Variants in GRIN3A observed in about 807,000 individuals in gnomAD.
GRIN3A encodes glutamate receptor ionotropic, NMDA 3A.
GRIN3A carries 47 observed loss-of-function variants against 92.4 expected under a neutral mutation model. The ratio of observed to expected loss-of-function variants is 0.51; its 90% CI spans 0.40 to 0.65. GRIN3A has a LOEUF of 0.65. GRIN3A is among the 30% of genes least tolerant of loss of function. The pLI, the probability that GRIN3A is intolerant of heterozygous loss-of-function variation, is 0.00. For missense variants in GRIN3A, 1,324 were observed against 1,393.1 expected (o/e 0.95, Z 0.79); for synonymous variants, 527 against 540.6 (o/e 0.97, Z 0.35).
At chr9:101,686,542 T>A (rs927987897) in intron 2 of GRIN3A, 54 bp downstream of exon 2, 95 of 1,598,216 alleles carry the variant, frequency 5.9e-5, no homozygotes, top group Non-Finnish European at 7.7e-5. Context: ...AGGGGAATTT[T>A]ACTCTCTGTC....
At chr9:101,610,582 T>TATCTATC (rs1828349710) in intron 6 of GRIN3A, among the ~76,000 whole-genome samples, 1 of 130,508 alleles carries the variant, frequency 7.7e-6, no homozygotes, top group South Asian at 2.7e-4. Context: ...TCCATCTATC[T>TATCTATC]ATCTATCTAT....
In GRIN3A at chr9:101,573,121, C is replaced by T. The variant is rs1417545240; in HGVS notation, c.*53G>A. 4 of 1,447,194 alleles carry T rather than the reference C, an allele frequency of 2.8e-6. No homozygotes were observed. The highest frequency in any genetic ancestry group is 3.9e-6 in the Non-Finnish European group (4 of 1,028,412). 89.6% of individuals were successfully genotyped at this position (1,447,194 alleles called of 1,614,324 possible). On this transcript the variant is annotated 3_prime_UTR_variant, in exon 9 of 9. Coordinates refer to ENST00000361820, the MANE Select transcript of GRIN3A (RefSeq NM_133445.3). ...GTTACAAAAGAGCATTACAAAGTGT[C>T]TCAAGGGCTCAGAGGAAGGTCAGGA...
intron 3 of GRIN3A, among the ~76,000 whole-genome samples, chr9:101,655,383 T>G (rs186688624): frequency 2.0e-5 from 3 of 152,066 alleles, no homozygotes; most frequent in African/African-American, 7.2e-5. Context: ...AGTTAAACCA[T>G]CTAAAAACTT....
At chr9:101,706,706 A>G (rs1212385431) in intron 1 of GRIN3A, among the ~76,000 whole-genome samples, 1 of 152,228 alleles carries the variant, frequency 6.6e-6, no homozygotes, top group Non-Finnish European at 1.5e-5. Flanking sequence ...AGAGGAAGTC[A>G]TCACAGGTTC....
intron 7 of GRIN3A, 52 bp downstream of exon 7, chr9:101,579,144 C>T: frequency 1.3e-6 from 2 of 1,589,360 alleles, no homozygotes; most frequent in South Asian, 1.1e-5. Context: ...CCTCCCATCC[C>T]TAGGAATTGT....
intron 6 of GRIN3A, chr9:101,595,022 G>T: frequency 7.2e-7 from 1 of 1,391,102 alleles, no homozygotes; most frequent in Non-Finnish European, 9.7e-7. Flanking sequence ...GCCATGGGGT[G>T]GGGGTAGAGG....
At chr9:101,720,234 C>T (rs1224793162) in intron 1 of GRIN3A, among the ~76,000 whole-genome samples, 1 of 152,142 alleles carries the variant, frequency 6.6e-6, no homozygotes, top group Non-Finnish European at 1.5e-5. Flanking sequence ...GTATGTTTTC[C>T]TGAAGATGTT....
At chr9:101,633,680 T>G (rs747627837) in intron 3 of GRIN3A, among the ~76,000 whole-genome samples, 10 of 152,118 alleles carry the variant, frequency 6.6e-5, no homozygotes, top group Non-Finnish European at 1.3e-4. Flanking sequence ...AGGTTGCACA[T>G]CCCTTACAAG....
intron 3 of GRIN3A, among the ~76,000 whole-genome samples, chr9:101,637,315 C>G (rs1828797713): frequency 1.3e-5 from 2 of 151,964 alleles, no homozygotes; most frequent in South Asian, 4.1e-4. Flanking sequence ...GGATGGTCTC[C>G]ATCTCCTGAC....
chr9:101,716,956 T>C (rs911350354), intron 1 of GRIN3A, among the ~76,000 whole-genome samples: 1 of 152,188 alleles, frequency 6.6e-6, no homozygotes, highest in Non-Finnish European at 1.5e-5. Flanking sequence ...CTGGCTGCTG[T>C]AGAAAGGCCA....
intron 6 of GRIN3A, among the ~76,000 whole-genome samples, chr9:101,591,027 T>C (rs183840905): frequency 6.6e-6 from 1 of 152,330 alleles, no homozygotes; most frequent in East Asian, 1.9e-4. Context: ...TCTAGTGGTC[T>C]GGGGATTGCA....
At chr9:101,654,496 G>A (rs1453746633) in intron 3 of GRIN3A, among the ~76,000 whole-genome samples, 2 of 151,512 alleles carry the variant, frequency 1.3e-5, no homozygotes, top group African/African-American at 4.8e-5. Context: ...TCTAGTCTAT[G>A]TTATTTTATA....
intron 3 of GRIN3A, among the ~76,000 whole-genome samples, chr9:101,652,955 G>A (rs1197874135): frequency 6.6e-6 from 1 of 151,832 alleles, no homozygotes; most frequent in African/African-American, 2.4e-5. Flanking sequence ...GGCTGGGAAA[G>A]AGGAAGAATT....
In GRIN3A at chr9:101,615,683, G is replaced by A. The variant is rs575785780; in HGVS notation, c.2615-2156C>T. ...TTATTCAATCTTTAAGTCTCCAAGT[G>A]ATACACATTCTGGCGTGGTTTCATG... On this transcript the variant is annotated intron_variant, in intron 5 of 8. Transcript: ENST00000361820. Among the ~76,000 whole-genome samples, 22 of 152,146 alleles carry A rather than the reference G, an allele frequency of 1.4e-4. No individual in the cohort carries two copies. In the South Asian group the frequency reaches 3.7e-3, roughly 26 times the overall value.
rs1438672669 is a variant in GRIN3A, at chr9:101,628,342, A to G, written c.2412T>C (p.Asp804=). 4 of 1,613,866 alleles carry G rather than the reference A, an allele frequency of 2.5e-6. No individual in the cohort carries two copies. Among genetic ancestry groups the G allele is most frequent in the South Asian group, 1.1e-5 (1 of 91,078 alleles). The change falls in exon 4 of 9, where the codon GAT becomes GAC. Residue 804 remains aspartate, a synonymous_variant. Coordinates refer to ENST00000361820, the MANE Select transcript of GRIN3A (RefSeq NM_133445.3). ...TCTCTGGGAAACTTTGTCTCACATA[A>G]TCTTCAGCACTGCTTTCTCGGACAG... ...FGTVRESSAE[D]YVRQSFPEMH...
At chr9:101,580,846 T>C (rs1827878393) in intron 6 of GRIN3A, among the ~76,000 whole-genome samples, 1 of 152,240 alleles carries the variant, frequency 6.6e-6, no homozygotes, top group South Asian at 2.1e-4. Context: ...CTTTCTGCTC[T>C]ACTGCTATAT....
intron 6 of GRIN3A, among the ~76,000 whole-genome samples, chr9:101,595,627 C>G (rs1484314107): frequency 6.6e-6 from 1 of 152,098 alleles, no homozygotes; most frequent in Non-Finnish European, 1.5e-5. Flanking sequence ...TGTAAGAGAC[C>G]AGGCAGATAC....
chr9:101,688,469 C>G (rs6479060), intron 1 of GRIN3A, among the ~76,000 whole-genome samples: 27,080 of 152,054 alleles, frequency 0.18, 2,996 homozygotes, highest in Non-Finnish European at 0.25. Flanking sequence ...AGCTTTTGAG[C>G]AAAGCTTGTA....
intron 3 of GRIN3A, among the ~76,000 whole-genome samples, chr9:101,645,092 C>G (rs1483887470): frequency 6.6e-6 from 1 of 151,876 alleles, no homozygotes; most frequent in Non-Finnish European, 1.5e-5. Flanking sequence ...CTACCAAACA[C>G]TGTAACTTAT....
Sources: allele counts gnomAD v4.1 joint callset (sites outside exome capture counted in the v4.1 genomes callset), GRCh38; gene constraint gnomAD v4.1.1; transcripts MANE v1.5; gene names NCBI Gene and HGNC (gene_info 2026-07-23, HGNC 2026-07-21).